The following USP47 variants were observed in gnomAD, a reference collection of about 807,000 sequenced individuals.
USP47 encodes the protein ubiquitin specific peptidase 47, also known as ubiquitin carboxyl-terminal hydrolase 47.
USP47 carries 35 observed loss-of-function variants against 165.1 expected under a neutral mutation model. The ratio of observed to expected loss-of-function variants is 0.21; its 90% CI spans 0.16 to 0.28. The LOEUF (loss-of-function observed/expected upper bound fraction) is 0.28, where lower values mean the gene tolerates loss of function less well. Ranked by LOEUF, USP47 falls within the 10% of genes least tolerant of loss-of-function variation. The pLI is 1.00. For missense variants in USP47, 1,277 were observed against 1,607.4 expected (o/e 0.79, Z 3.52); for synonymous variants, 531 against 544.5 (o/e 0.98, Z 0.35).
chr11:11,930,116 G>A lies in USP47; in HGVS notation c.1591G>A (p.Ala531Thr), dbSNP rs748376036. The change falls in exon 13 of 28, where the codon GCA (alanine) becomes ACA (threonine). Residue 531 changes from alanine (A) to threonine (T), a missense_variant. By Grantham distance (58) the Ala-to-Thr change is moderately conservative. Transcript: ENST00000527733. ...CAGAGGATATTATTCTAGTGCTTTC[G>A]CAAGGTAAGCAATTTCCTAATTTTC... ...GSRGYYSSAF[A>T]SSTNAYMLIY... 83 of 1,610,662 alleles carry A rather than the reference G, an allele frequency of 5.2e-5. No homozygotes were observed. Among genetic ancestry groups the A allele is most frequent in the Admixed American group, 1.7e-4 (10 of 59,870 alleles).
intron 3 of USP47, among the ~76,000 whole-genome samples, chr11:11,888,262 A>G (rs1851291943): frequency 6.6e-6 from 1 of 152,112 alleles, no homozygotes; most frequent in Non-Finnish European, 1.5e-5. Context: ...CCTTTCAAAA[A>G]TCAACAAATC....
chr11:11,902,330 A>G (rs1351358570), intron 5 of USP47, among the ~76,000 whole-genome samples: 1 of 152,208 alleles, frequency 6.6e-6, no homozygotes, highest in Admixed American at 6.5e-5. Context: ...GTAGTTTTCC[A>G]CAGTTTGGGT....
intron 18 of USP47, among the ~76,000 whole-genome samples, chr11:11,938,726 C>T (rs773388194): frequency 4.6e-5 from 7 of 151,866 alleles, no homozygotes; most frequent in African/African-American, 7.3e-5. Context: ...TTTTTAAGTG[C>T]GGCAATGCTG....
intron 8 of USP47, among the ~76,000 whole-genome samples, chr11:11,910,577 T>C (rs1364787949): frequency 2.6e-5 from 4 of 151,950 alleles, no homozygotes; most frequent in Admixed American, 2.6e-4. Context: ...GTGTCAGTGT[T>C]GGGGTGTAGT....
intron 14 of USP47, 107 bp downstream of exon 14, chr11:11,930,858 G>GT: frequency 1.3e-6 from 1 of 790,256 alleles, no homozygotes; most frequent in South Asian, 1.9e-5. Flanking sequence ...TAATTAAGTT[G>GT]TTTTATGCCT....
At chr11:11,939,481 A>G (rs914709416) in intron 18 of USP47, among the ~76,000 whole-genome samples, 2 of 152,072 alleles carry the variant, frequency 1.3e-5, no homozygotes, top group Middle Eastern at 3.2e-3. Context: ...AAAAAAGTCT[A>G]TATTTTGACT....
intron 2 of USP47, among the ~76,000 whole-genome samples, chr11:11,881,381 A>G (rs924691930): frequency 2.6e-5 from 4 of 152,154 alleles, no homozygotes; most frequent in Non-Finnish European, 5.9e-5. Context: ...ACGTAGTCCA[A>G]GGAGAAAAAG....
chr11:11,877,871 A>G (rs1002211361), intron 1 of USP47, among the ~76,000 whole-genome samples: 1 of 141,856 alleles, frequency 7.0e-6, no homozygotes, highest in African/African-American at 2.6e-5. Flanking sequence ...GCGCGCGCAG[A>G]TAAGATATTT....
At chr11:11,953,845 A>G (rs994960794) in intron 25 of USP47, among the ~76,000 whole-genome samples, 1 of 152,260 alleles carries the variant, frequency 6.6e-6, no homozygotes, top group Non-Finnish European at 1.5e-5. Flanking sequence ...GGATACAGAC[A>G]ATATATACCT....
intron 11 of USP47, among the ~76,000 whole-genome samples, chr11:11,925,369 C>G (rs1854162311): frequency 1.3e-5 from 2 of 152,088 alleles, no homozygotes; most frequent in Admixed American, 1.3e-4. Flanking sequence ...CGGCCTCCCA[C>G]TGGGATTACA....
In USP47 at chr11:11,933,882, T is replaced by C. The variant is rs200984693; in HGVS notation, c.1816T>C (p.Leu606=). Reference sequence around the variant, plus strand: ...AAAACAAGTAATGATGGAAAATAAATTGGAGGTTCATAAGGATAAGACATT... The same window carrying C: ...AAAACAAGTAATGATGGAAAATAAACTGGAGGTTCATAAGGATAAGACATT... ...PTKQVMMENK[L]EVHKDKTLKE... is the part of the protein sequence containing the mutation. Residue 606 remains leucine (L), a synonymous_variant, in exon 16 of 28, where the codon TTG becomes CTG. Coordinates refer to ENST00000527733, the MANE Select transcript of USP47 (RefSeq NM_001282659.2). The C allele has an allele frequency of 1.2e-5, 20 of 1,610,088 alleles. No individual in the cohort carries two copies. Among genetic ancestry groups the C allele is most frequent in the Non-Finnish European group, 1.6e-5 (19 of 1,177,446 alleles).
At chr11:11,878,108 A>G (rs1430383818) in intron 1 of USP47, among the ~76,000 whole-genome samples, 1 of 151,962 alleles carries the variant, frequency 6.6e-6, no homozygotes, top group Non-Finnish European at 1.5e-5. Context: ...TTGAGGGATA[A>G]TTTTCCCACA....
chr11:11,936,104 A>G (rs539975886), intron 16 of USP47, among the ~76,000 whole-genome samples, 199 bp from the exon 17 acceptor site: 38 of 151,854 alleles, frequency 2.5e-4, no homozygotes, highest in African/African-American at 8.9e-4. Context: ...GGATAATGAA[A>G]CATAATTATT....
chr11:11,925,650 G>A (rs974305747), intron 11 of USP47, among the ~76,000 whole-genome samples: 7 of 149,994 alleles, frequency 4.7e-5, no homozygotes, highest in Non-Finnish European at 7.4e-5. Context: ...TTTTTTATGC[G>A]GAATCTTTAT....
At chr11:11,881,211 G>A (rs1013170305) in intron 2 of USP47, among the ~76,000 whole-genome samples, 7 of 152,116 alleles carry the variant, frequency 4.6e-5, no homozygotes, top group African/African-American at 1.7e-4. Context: ...GGTGAGACGT[G>A]CTGCTAGGTG....
intron 27 of USP47, among the ~76,000 whole-genome samples, chr11:11,955,376 T>C (rs985000214): frequency 6.6e-6 from 1 of 152,240 alleles, no homozygotes; most frequent in Non-Finnish European, 1.5e-5. Context: ...ATTTTAAAAA[T>C]ATTGTAAACC....
intron 3 of USP47, among the ~76,000 whole-genome samples, chr11:11,890,542 A>G (rs2134369788): frequency 6.6e-6 from 1 of 152,334 alleles, no homozygotes; most frequent in South Asian, 2.1e-4. Flanking sequence ...TCAAAAAACA[A>G]AAGATGCTGG....
At chr11:11,860,443 A>G (rs995358374) in intron 1 of USP47, among the ~76,000 whole-genome samples, 10 of 152,212 alleles carry the variant, frequency 6.6e-5, no homozygotes. Context: ...TCACTCTAAT[A>G]GGAAATAAAC....
intron 18 of USP47, 129 bp from the exon 19 acceptor site, chr11:11,940,300 C>A (rs1432729738): frequency 5.4e-6 from 5 of 923,778 alleles, no homozygotes; most frequent in Non-Finnish European, 7.4e-6. Flanking sequence ...ATTTTAAAAC[C>A]TCTACTAAAA....
Sources: gnomAD v4.1 joint callset for allele counts (sites outside exome capture counted in the v4.1 genomes callset) on GRCh38, gnomAD v4.1.1 for gene constraint, MANE v1.5 for transcripts, NCBI Gene and HGNC (gene_info 2026-07-23, HGNC 2026-07-21) for gene names.